DAPK1: variants seen among roughly 807,000 people sequenced by gnomAD.
DAPK1 encodes the protein death associated protein kinase 1.
Under a neutral mutation model 144.9 loss-of-function variants are expected in DAPK1, and 56 were observed. The observed-to-expected ratio is 0.39, with a 90% CI of 0.31 to 0.48. The LOEUF (loss-of-function observed/expected upper bound fraction) is 0.48, where lower values mean the gene tolerates loss of function less well. DAPK1 is among the 20% of genes least tolerant of loss of function. DAPK1 has a pLI of 0.95. For missense variants in DAPK1, 1,454 were observed against 1,875.4 expected, an observed-to-expected ratio of 0.78 and a Z score of 4.15; for synonymous variants, 690 against 749.0, an observed-to-expected ratio of 0.92 and a Z score of 1.29.
chr9:87,550,818 C>G (rs1483561903), intron 2 of DAPK1, among the ~76,000 whole-genome samples: 1 of 152,216 alleles, frequency 6.6e-6, no homozygotes, highest in Non-Finnish European at 1.5e-5. Context: ...TACAGCTAAG[C>G]CAAGCTGTAC....
intron 19 of DAPK1, among the ~76,000 whole-genome samples, chr9:87,671,504 T>C (rs1465213272): frequency 8.0e-6 from 1 of 125,240 alleles, no homozygotes; most frequent in Non-Finnish European, 1.8e-5. Flanking sequence ...ACCTTTTTTT[T>C]CTTTGTTTTT....
intron 2 of DAPK1, among the ~76,000 whole-genome samples, chr9:87,499,503 G>A (rs1824316294): frequency 6.6e-6 from 1 of 152,142 alleles, no homozygotes; most frequent in African/African-American, 2.4e-5. Context: ...TGATTTAAAC[G>A]GAGGGTACAA....
intron 2 of DAPK1, among the ~76,000 whole-genome samples, chr9:87,501,291 TA>T (rs1824382290): frequency 6.6e-6 from 1 of 152,234 alleles, no homozygotes; most frequent in South Asian, 2.1e-4. Context: ...GAGGCTGAGG[TA>T]GGCAAATCAC....
At position 87,600,212 on chromosome 9, in the gene DAPK1, C is replaced by T. The variant is rs1828467639; in HGVS notation, c.63-4742C>T. ...GTGCAGCAGCCTCTCCAATTTTCCA[C>T]GATCCTCTCCAATTTTCCACGATCC... On this transcript the variant is annotated intron_variant, in intron 2 of 25. Coordinates refer to ENST00000408954, the MANE Select transcript of DAPK1 (RefSeq NM_004938.4). Among the ~76,000 whole-genome samples the T allele has an allele frequency of 2.0e-5, 3 of 152,188 alleles. No individual in the cohort carries two copies. The South Asian group carries it at 6.2e-4, about 31-fold the overall frequency.
intron 2 of DAPK1, among the ~76,000 whole-genome samples, chr9:87,514,106 C>T (rs958663166): frequency 1.3e-5 from 2 of 152,096 alleles, no homozygotes; most frequent in Non-Finnish European, 2.9e-5. Flanking sequence ...CACAGGACTA[C>T]AAGATCAAGA....
intron 2 of DAPK1, among the ~76,000 whole-genome samples, chr9:87,584,661 T>C (rs1827875703): frequency 1.0e-5 from 1 of 95,818 alleles, no homozygotes; most frequent in Non-Finnish European, 2.2e-5. Context: ...AAATGATAGC[T>C]CATTGTGTGT....
intron 16 of DAPK1, among the ~76,000 whole-genome samples, chr9:87,651,040 G>A (rs2119179759): frequency 6.6e-6 from 1 of 152,298 alleles, no homozygotes; most frequent in Middle Eastern, 3.4e-3. Flanking sequence ...TTTTTCATGG[G>A]ATGCAGAGGT....
At chr9:87,507,236 G>A (rs1174357022) in intron 2 of DAPK1, among the ~76,000 whole-genome samples, 2 of 152,062 alleles carry the variant, frequency 1.3e-5, no homozygotes, top group Admixed American at 1.3e-4. Flanking sequence ...TTTTGAGACG[G>A]AATTTCGCTC....
At chr9:87,665,887 A>G (rs1289768737) in intron 18 of DAPK1, among the ~76,000 whole-genome samples, 1 of 152,148 alleles carries the variant, frequency 6.6e-6, no homozygotes, top group African/African-American at 2.4e-5. Flanking sequence ...CGTTGAGATG[A>G]TGGACAGCTG....
chr9:87,706,959 C>T lies in DAPK1; in HGVS notation c.3888C>T (p.Leu1296=), dbSNP rs368955480. The T allele has an allele frequency of 6.8e-6, 11 of 1,613,056 alleles. No individual in the cohort carries two copies. Among genetic ancestry groups the T allele is most frequent in the African/African-American group, 5.3e-5 (4 of 74,910 alleles). The change falls in exon 26 of 26, where the codon CTC becomes CTT. Residue 1296 remains leucine (L), a synonymous_variant. Transcript: ENST00000408954. The surrounding 1 kb of genome is among the most constrained non-coding windows in gnomAD (Gnocchi z 9.0). ...GCHDVYSQAS[L]GMDIHASDLN... The stretch of plus-strand genomic sequence containing the variant: ...ACGACGTCTACTCACAGGCCAGCCT[C>T]GGCATGGACATCCATGCATCAGACC...
intron 2 of DAPK1, among the ~76,000 whole-genome samples, chr9:87,571,469 AC>A (rs1564000774): frequency 1.1e-4 from 6 of 54,498 alleles, no homozygotes; most frequent in Admixed American, 1.8e-4. Context: ...ACACACACAC[AC>A]ACACCAACAC....
At chr9:87,605,251 G>A (rs1261957665) in intron 3 of DAPK1, 76 bp downstream of exon 3, 32 of 1,193,522 alleles carry the variant, frequency 2.7e-5, no homozygotes, top group Middle Eastern at 2.4e-4. Context: ...GCTGGACCAC[G>A]CCACAGCGAG....
At chr9:87,506,947 C>T (rs1239705885) in intron 2 of DAPK1, 2 of 152,030 alleles carry the variant, frequency 1.3e-5, no homozygotes, top group African/African-American at 4.8e-5. Context: ...CAGTTGTATC[C>T]CAGCTCTAGA....
intron 14 of DAPK1, 52 bp downstream of exon 14, chr9:87,647,455 G>A: frequency 6.9e-7 from 1 of 1,440,688 alleles, no homozygotes; most frequent in Non-Finnish European, 9.8e-7. Context: ...ATGGATGCAT[G>A]TGAGTGTGAG....
intron 2 of DAPK1, among the ~76,000 whole-genome samples, chr9:87,518,077 C>A (rs1224487976): frequency 6.6e-6 from 1 of 150,490 alleles, no homozygotes; most frequent in East Asian, 2.0e-4. Context: ...CAGTTGTTTG[C>A]CCTGGAATAT....
At position 87,618,371 on chromosome 9, in the gene DAPK1, G is replaced by T. The variant is rs116054816; in HGVS notation, c.284+13196G>T. Reference sequence around the variant, plus strand: ...TTCCAGCCACTTTGGGAAACAGTTTGTCTGTTCCTCAAAATGTTAAACGTA... The same window carrying T: ...TTCCAGCCACTTTGGGAAACAGTTTTTCTGTTCCTCAAAATGTTAAACGTA... On this transcript the variant is annotated intron_variant, in intron 3 of 25. Transcript: ENST00000408954. Among the ~76,000 whole-genome samples the T allele has an allele frequency of 4.9e-3, 746 of 152,344 alleles. 4 individuals carry two copies. Among genetic ancestry groups the T allele is most frequent in the Middle Eastern group, 0.02 (6 of 294 alleles).
intron 17 of DAPK1, among the ~76,000 whole-genome samples, 195 bp downstream of exon 17, chr9:87,651,919 C>T (rs1271901943): frequency 2.9e-5 from 4 of 138,964 alleles, no homozygotes; most frequent in Admixed American, 1.4e-4. Flanking sequence ...ATCCCGGGTC[C>T]TGATTCTGTG....
Position 87,643,366 on chromosome 9 carries a change from TAA to T in DAPK1, c.919-3_919-2del. On this transcript the variant is annotated splice_polypyrimidine_tract_variant and splice_region_variant and intron_variant, in intron 10 of 25. Transcript: ENST00000408954. ...CCCTCCCTTTTTTTTTTTTTTTTTTTAAAAAAAAGCAATCCGTTCGCTTGATA... is the reference window on the plus strand; with the variant it reads ...CCCTCCCTTTTTTTTTTTTTTTTTTTAAAAAAGCAATCCGTTCGCTTGATA... The T allele has an allele frequency of 7.4e-6, 10 of 1,349,434 alleles. No individual in the cohort carries two copies. The highest frequency in any genetic ancestry group is 1.4e-5 in the South Asian group (1 of 71,292). 83.6% of individuals were successfully genotyped at this position (1,349,434 alleles called of 1,614,324 possible).
chr9:87,701,771 C>A, intron 24 of DAPK1: 1 of 408,362 alleles, frequency 2.4e-6, no homozygotes. Context: ...TGCTGTGCTT[C>A]CCGCACCAGA....
Sources: gnomAD v4.1 joint callset for allele counts (sites outside exome capture counted in the v4.1 genomes callset) on GRCh38, gnomAD v4.1.1 for gene constraint, Gnocchi (gnomAD v3.1) non-coding constraint, MANE v1.5 for transcripts, NCBI Gene and HGNC (gene_info 2026-07-23, HGNC 2026-07-21) for gene names.